The following ICAM2 variants were observed in gnomAD, a reference collection of about 807,000 sequenced individuals.
ICAM2 encodes the protein intercellular adhesion molecule 2.
Under a neutral mutation model 19.1 loss-of-function variants are expected in ICAM2, and 14 were observed. The ratio of observed to expected loss-of-function variants is 0.73; its 90% CI spans 0.48 to 1.15. The LOEUF is 1.15. ICAM2 is among the 50% of genes most tolerant of loss of function. The pLI is 0.00. For synonymous variants in ICAM2, 153 were observed against 152.7 expected (o/e 1.00, Z -0.01); for missense variants, 311 against 355.4 (o/e 0.88, Z 1.00).
intron 1 of ICAM2, among the ~76,000 whole-genome samples, chr17:64,010,119 G>A (rs974270940): frequency 1.4e-4 from 22 of 152,130 alleles, no homozygotes; most frequent in Non-Finnish European, 2.5e-4. Context: ...CGGTCTCCCC[G>A]ATCTCCTCAT....
chr17:64,014,130 G>A (rs565689002), intron 1 of ICAM2, among the ~76,000 whole-genome samples: 6 of 151,950 alleles, frequency 3.9e-5, no homozygotes, highest in South Asian at 2.1e-4. Flanking sequence ...TCTGCGAGGC[G>A]CAAAAGTTGT....
intron 1 of ICAM2, among the ~76,000 whole-genome samples, chr17:64,008,351 AG>A (rs1911305417): frequency 6.6e-6 from 1 of 152,268 alleles, no homozygotes; most frequent in South Asian, 2.1e-4. Flanking sequence ...CTGGGACAGA[AG>A]GGTGGGGATG....
intron 1 of ICAM2, among the ~76,000 whole-genome samples, chr17:64,018,717 T>C (rs1911819256): frequency 8.2e-6 from 1 of 122,298 alleles, no homozygotes; most frequent in Admixed American, 8.0e-5. Flanking sequence ...ACTTCTCTTT[T>C]TTTTTTTTTT....
In ICAM2 at chr17:64,002,644, C is replaced by G. The variant is rs2143160035; in HGVS notation, c.*103G>C. 1.9e-6 allele frequency: 2 copies of G among 1,056,998 alleles called. No homozygotes were observed. The highest frequency in any genetic ancestry group is 5.0e-5 in the East Asian group (2 of 39,728). 65.5% of individuals were successfully genotyped at this position (1,056,998 alleles called of 1,614,324 possible). Reference sequence around the variant, plus strand: ...CTAGAAAAGGCAATGTCCCAAGTCTCTGCTGCCTGTCACAGTCCTTCAGCC... The same window carrying G: ...CTAGAAAAGGCAATGTCCCAAGTCTGTGCTGCCTGTCACAGTCCTTCAGCC... On this transcript the variant is annotated 3_prime_UTR_variant, in exon 5 of 5. Coordinates refer to ENST00000579788, the MANE Select transcript of ICAM2 (RefSeq NM_001099789.2).
intron 1 of ICAM2, among the ~76,000 whole-genome samples, chr17:64,015,343 G>C (rs1288070354): frequency 6.6e-6 from 1 of 152,134 alleles, no homozygotes; most frequent in African/African-American, 2.4e-5. Context: ...AATTGAAGTA[G>C]ATCAAGTCTT....
chr17:64,019,698 C>T (rs369697968), intron 1 of ICAM2, among the ~76,000 whole-genome samples: 11 of 151,664 alleles, frequency 7.3e-5, no homozygotes, highest in African/African-American at 2.7e-4. Context: ...CACCTGTAGT[C>T]CCAGCTACTT....
intron 1 of ICAM2, among the ~76,000 whole-genome samples, chr17:64,017,566 T>C (rs963590582): frequency 2.0e-5 from 3 of 152,166 alleles, no homozygotes; most frequent in Admixed American, 1.3e-4. Context: ...TTAACCCCAG[T>C]AGGGTTTTTC....
intron 1 of ICAM2, among the ~76,000 whole-genome samples, chr17:64,015,517 A>T (rs1432180577): frequency 1.3e-5 from 2 of 152,170 alleles, no homozygotes; most frequent in Non-Finnish European, 2.9e-5. Flanking sequence ...AGGTGGGAAG[A>T]TCCCTTAAGC....
chr17:64,004,701 C>T lies in ICAM2; in HGVS notation c.328+406G>A, dbSNP rs369447519. On this transcript the variant is annotated intron_variant, in intron 3 of 4. Coordinates refer to ENST00000579788, the MANE Select transcript of ICAM2 (RefSeq NM_001099789.2). ...TGATGGCCACACATTTGCTGTGGGC[C>T]CTGAGGGGAAGATAAAAACCCTGGG... The T allele has an allele frequency of 1.7e-3, 510 of 307,082 alleles. 1 individual carries two copies. Among genetic ancestry groups the T allele is most frequent in the Non-Finnish European group, 2.9e-3 (459 of 156,480 alleles). The allele number at this position is 307,082 out of a possible 1,614,324, so 19.0% of individuals were successfully genotyped here. A position where few individuals can be genotyped will look rare whatever the true frequency, so the allele number is the denominator to read the frequency against.
Position 64,006,707 on chromosome 17 carries a change from C to T in ICAM2, c.-16G>A, listed in dbSNP as rs779429870. On this transcript the variant is annotated 5_prime_UTR_variant, in exon 2 of 5. In the 5' UTR this introduces an upstream ATG that the reference lacks. Transcript: ENST00000579788. ...AAGAGGACATCTCTGGCAGTCTCCA[C>T]GGGCTCGCAGGGACCAGCCAAGGGC... The T allele has an allele frequency of 7.6e-5, 122 of 1,613,654 alleles. No homozygotes were observed. The highest frequency in any genetic ancestry group is 1.7e-4 in the Admixed American group (10 of 59,992).
intron 4 of ICAM2, chr17:64,003,370 G>A: frequency 2.0e-6 from 1 of 505,642 alleles, no homozygotes; most frequent in Non-Finnish European, 3.6e-6. Flanking sequence ...ACTTCTCATT[G>A]TGGAGGGGAG....
intron 1 of ICAM2, among the ~76,000 whole-genome samples, chr17:64,009,429 A>G (rs1237796942): frequency 6.6e-6 from 1 of 151,872 alleles, no homozygotes; most frequent in African/African-American, 2.4e-5. Flanking sequence ...GAGGATGGGC[A>G]CTTTGAGTTA....
intron 2 of ICAM2, 130 bp from the exon 3 acceptor site, chr17:64,005,503 C>G: frequency 1.0e-6 from 1 of 1,001,506 alleles, no homozygotes; most frequent in Admixed American, 2.7e-5. Flanking sequence ...GACCCCGCTG[C>G]TACTTTCCCC....
chr17:64,004,844 C>T, intron 3 of ICAM2: 1 of 565,018 alleles, frequency 1.8e-6, no homozygotes. Context: ...GAAATGACTT[C>T]TGGATTTGGC....
chr17:64,018,461 C>T (rs965114788), intron 1 of ICAM2, among the ~76,000 whole-genome samples: 12 of 151,408 alleles, frequency 7.9e-5, no homozygotes, highest in Non-Finnish European at 1.6e-4. Context: ...ACAATGGGAC[C>T]GATACTATTT....
At position 64,008,894 on chromosome 17, in the gene ICAM2, C is replaced by G. The variant is rs9891419; in HGVS notation, c.-44-2159G>C. On this transcript the variant is annotated intron_variant, in intron 1 of 4. Transcript: ENST00000579788. Reference sequence around the variant, plus strand: ...AGCAGGGCCAGCCTGATTCCCTCTTCAAGCAAGGCTTCTGCAGCCCAACGT... The same window carrying G: ...AGCAGGGCCAGCCTGATTCCCTCTTGAAGCAAGGCTTCTGCAGCCCAACGT... Among the ~76,000 whole-genome samples, 321 of 152,322 alleles carry G rather than the reference C, an allele frequency of 2.1e-3. 1 individual carries two copies. The highest frequency in any genetic ancestry group is 7.5e-3 in the African/African-American group (311 of 41,588).
intron 1 of ICAM2, among the ~76,000 whole-genome samples, chr17:64,014,281 C>G (rs1181199827): frequency 7.1e-6 from 1 of 140,470 alleles, no homozygotes. Context: ...TGAGACAGGC[C>G]TGGGCAACAT....
intron 4 of ICAM2, chr17:64,003,383 A>G: frequency 1.9e-6 from 1 of 522,242 alleles, no homozygotes; most frequent in Non-Finnish European, 3.4e-6. Context: ...GAGGGGAGCC[A>G]AGGCCAGGGA....
At chr17:64,010,806 G>A (rs995266052) in intron 1 of ICAM2, among the ~76,000 whole-genome samples, 16 of 152,056 alleles carry the variant, frequency 1.1e-4, no homozygotes, top group African/African-American at 1.7e-4. Flanking sequence ...TGTTTATTTT[G>A]AGAAGTTTTA....
Sources: gnomAD v4.1 joint callset for allele counts (sites outside exome capture counted in the v4.1 genomes callset) on GRCh38, gnomAD v4.1.1 for gene constraint, MANE v1.5 for transcripts, NCBI Gene and HGNC (gene_info 2026-07-23, HGNC 2026-07-21) for gene names.